The following MPDZ variants were observed in gnomAD, a reference collection of about 807,000 sequenced individuals.
MPDZ encodes multiple PDZ domain protein.
In MPDZ, 234 loss-of-function variants were observed where a neutral mutation model predicts 239.1. That is an observed-to-expected ratio of 0.98 (90% CI 0.88 to 1.09). The LOEUF is 1.09. MPDZ is among the 50% of genes least tolerant of loss of function. MPDZ has a pLI of 0.00. For missense variants in MPDZ, 3,175 were observed against 2,510.0 expected (o/e 1.26, Z -5.66); for synonymous variants, 1,048 against 881.3 (o/e 1.19, Z -3.35).
chr9:13,206,330 G>A (rs964041356), intron 10 of MPDZ, among the ~76,000 whole-genome samples: 10 of 151,850 alleles, frequency 6.6e-5, no homozygotes, highest in East Asian at 5.8e-4. Context: ...TAGATTCTGG[G>A]GTACCATATC....
chr9:13,267,637 G>C (rs1011844770), intron 1 of MPDZ, among the ~76,000 whole-genome samples: 30 of 152,108 alleles, frequency 2.0e-4, no homozygotes, highest in Admixed American at 2.0e-3. Flanking sequence ...ACACTTAAAA[G>C]TATCAATTTA....
intron 46 of MPDZ, among the ~76,000 whole-genome samples, chr9:13,108,203 C>T (rs1374438332): frequency 3.3e-5 from 5 of 152,054 alleles, no homozygotes; most frequent in Admixed American, 3.3e-4. Context: ...AAATTTTTCC[C>T]TGCAGAAAAT....
At position 13,118,533 on chromosome 9, in the gene MPDZ, G is replaced by A. The variant is rs146721960; in HGVS notation, c.5379+969C>T. Among the ~76,000 whole-genome samples, 1,269 of 152,232 alleles carry A rather than the reference G, an allele frequency of 8.3e-3. 7 individuals are homozygous for A. The highest frequency in any genetic ancestry group is 0.011 in the Non-Finnish European group (772 of 68,016). On this transcript the variant is annotated intron_variant, in intron 39 of 46. Coordinates refer to ENST00000319217, the MANE Select transcript of MPDZ (RefSeq NM_001378778.1). ...GCTGAGCACTGTCATGCAGGCTTATGTTAATTGCTACCCTTGACATGGGTA... is the reference window on the plus strand; with the variant it reads ...GCTGAGCACTGTCATGCAGGCTTATATTAATTGCTACCCTTGACATGGGTA...
rs528059809 is a variant in MPDZ, at chr9:13,253,349, T to C, written c.-57-2977A>G. Among the ~76,000 whole-genome samples, 21 of 152,294 alleles carry C rather than the reference T, an allele frequency of 1.4e-4. No individual in the cohort carries two copies. In the East Asian group the frequency reaches 2.9e-3, roughly 21 times the overall value. On this transcript the variant is annotated intron_variant, in intron 1 of 46. Coordinates refer to ENST00000319217, the MANE Select transcript of MPDZ (RefSeq NM_001378778.1). ...CCCTAAAATAAATGCATAGCTTTTTTTGAGATTTTTCAGGGGATTTCACCA... is the reference window on the plus strand; with the variant it reads ...CCCTAAAATAAATGCATAGCTTTTTCTGAGATTTTTCAGGGGATTTCACCA...
chr9:13,172,197 G>A (rs549479652), intron 21 of MPDZ, among the ~76,000 whole-genome samples: 1 of 152,020 alleles, frequency 6.6e-6, no homozygotes, highest in Non-Finnish European at 1.5e-5. Flanking sequence ...AATGCCAGAG[G>A]AACCTCACTG....
At chr9:13,219,491 T>C in intron 8 of MPDZ, 68 bp downstream of exon 8, 1 of 1,384,332 alleles carries the variant, frequency 7.2e-7, no homozygotes, top group Admixed American at 2.0e-5. Flanking sequence ...AGTTTCTAAG[T>C]AAACATCACT....
intron 35 of MPDZ, 94 bp from the exon 36 acceptor site, chr9:13,123,392 C>G: frequency 2.9e-6 from 3 of 1,037,738 alleles, no homozygotes; most frequent in Admixed American, 2.0e-5. Flanking sequence ...AGGGATGGGG[C>G]AGAGAAATGG....
At chr9:13,215,632 G>T (rs1244896457) in intron 10 of MPDZ, among the ~76,000 whole-genome samples, 1 of 150,932 alleles carries the variant, frequency 6.6e-6, no homozygotes, top group Non-Finnish European at 1.5e-5. Context: ...AGATAAATCA[G>T]CATTCCCTCA....
chr9:13,277,876 G>C (rs1309176565), intron 1 of MPDZ, among the ~76,000 whole-genome samples: 1 of 151,992 alleles, frequency 6.6e-6, no homozygotes, highest in Non-Finnish European at 1.5e-5. Flanking sequence ...AGTTTTGCTA[G>C]GTTTTTAAAA....
chr9:13,196,240 T>G lies in MPDZ; in HGVS notation c.1547-10A>C. On this transcript the variant is annotated splice_polypyrimidine_tract_variant and intron_variant, in intron 12 of 46. Coordinates refer to ENST00000319217, the MANE Select transcript of MPDZ (RefSeq NM_001378778.1). ...GACAGTAATGGATACCCTGAAACAG[T>G]CAAGGCAATTAAGTTAGCAGCAAAC... 1 of 1,556,656 alleles carries G rather than the reference T, an allele frequency of 6.4e-7. No individual in the cohort carries two copies. The highest frequency in any genetic ancestry group is 8.8e-7 in the Non-Finnish European group (1 of 1,141,372).
intron 8 of MPDZ, among the ~76,000 whole-genome samples, chr9:13,218,089 G>A (rs1958598971): frequency 6.6e-6 from 1 of 151,814 alleles, no homozygotes; most frequent in African/African-American, 2.4e-5. Context: ...GATTCTAATG[G>A]ACAGTCAGGT....
chr9:13,268,177 TAGAG>T (rs907504357), intron 1 of MPDZ, among the ~76,000 whole-genome samples: 15 of 142,600 alleles, frequency 1.1e-4, no homozygotes, highest in East Asian at 4.2e-4. Flanking sequence ...TATACACACA[TAGAG>T]AGAGAGAGAT....
intron 12 of MPDZ, among the ~76,000 whole-genome samples, chr9:13,198,573 G>T (rs1955942340): frequency 6.6e-6 from 1 of 151,826 alleles, no homozygotes. Context: ...TGCTGTGCAG[G>T]AAAGCTTTTT....
intron 2 of MPDZ, among the ~76,000 whole-genome samples, chr9:13,248,864 T>C (rs1220573606): frequency 6.7e-6 from 1 of 149,678 alleles, no homozygotes; most frequent in East Asian, 2.0e-4. Flanking sequence ...TCTCAGCTAC[T>C]CAGGAGGCTG....
chr9:13,207,742 G>A (rs939535559), intron 10 of MPDZ, among the ~76,000 whole-genome samples: 25 of 152,086 alleles, frequency 1.6e-4, no homozygotes, highest in Admixed American at 2.6e-4. Flanking sequence ...GACAGGCTCT[G>A]TATCATTTTT....
intron 17 of MPDZ, among the ~76,000 whole-genome samples, chr9:13,187,469 T>C (rs996331909): frequency 4.6e-5 from 7 of 152,154 alleles, no homozygotes; most frequent in Non-Finnish European, 7.4e-5. Flanking sequence ...CCTATCTTTA[T>C]TCTTACATTC....
At chr9:13,139,319 A>C (rs1947300914) in intron 28 of MPDZ, among the ~76,000 whole-genome samples, 1 of 152,216 alleles carries the variant, frequency 6.6e-6, no homozygotes, top group Admixed American at 6.5e-5. Context: ...CTTTGGGCTA[A>C]ATTTTAAATA....
chr9:13,171,763 C>G (rs934426509), intron 21 of MPDZ, among the ~76,000 whole-genome samples: 9 of 152,116 alleles, frequency 5.9e-5, no homozygotes, highest in African/African-American at 2.2e-4. Flanking sequence ...ACAGCCTTTA[C>G]AGAAAGCTGT....
intron 32 of MPDZ, among the ~76,000 whole-genome samples, chr9:13,127,383 A>G (rs887644153): frequency 2.6e-5 from 4 of 152,254 alleles, no homozygotes; most frequent in African/African-American, 7.2e-5. Context: ...AGCTACACCT[A>G]CTTCGCTACA....
Sources: allele counts gnomAD v4.1 joint callset (sites outside exome capture counted in the v4.1 genomes callset), GRCh38; gene constraint gnomAD v4.1.1; transcripts MANE v1.5; gene names NCBI Gene and HGNC (gene_info 2026-07-23, HGNC 2026-07-21).